TPPP: variants seen among roughly 807,000 people sequenced by gnomAD.
The protein encoded by TPPP is tubulin polymerization promoting protein, also known as tubulin polymerization-promoting protein.
TPPP carries 6 observed loss-of-function variants against 15.5 expected under a neutral mutation model. The ratio of observed to expected loss-of-function variants is 0.39; its 90% CI spans 0.21 to 0.77. The LOEUF (loss-of-function observed/expected upper bound fraction) is 0.77. Among genes scored for constraint, TPPP ranks in the 30% least tolerant of loss-of-function variants. TPPP has a pLI of 0.42. For synonymous variants in TPPP, 146 were observed against 133.9 expected (o/e 1.09, Z -0.63); for missense variants, 269 against 307.2 (o/e 0.88, Z 0.93).
At chr5:686,183 G>T (rs1740761753) in intron 1 of TPPP, among the ~76,000 whole-genome samples, 1 of 152,168 alleles carries the variant, frequency 6.6e-6, no homozygotes, top group Admixed American at 6.5e-5. Flanking sequence ...TCCCAAAAGG[G>T]AATAAAATAG....
At chr5:700,726 A>C in the TPPP span, among the ~76,000 whole-genome samples, 1 of 151,966 alleles carries the variant, frequency 6.6e-6, no homozygotes, top group Admixed American at 6.6e-5. Context: ...CTCTTCATAT[A>C]CCTGTGGATT....
chr5:668,384 C>G (rs11749837), intron 2 of TPPP, among the ~76,000 whole-genome samples: 40 of 86,910 alleles, frequency 4.6e-4, no homozygotes, highest in African/African-American at 1.3e-3. Flanking sequence ...CCGCGTGGGC[C>G]TCGTCAGGGA....
chr5:672,121 C>T (rs1209539588), intron 2 of TPPP, among the ~76,000 whole-genome samples: 1 of 152,220 alleles, frequency 6.6e-6, no homozygotes, highest in African/African-American at 2.4e-5. Context: ...GGTTGGCTTC[C>T]GTACTGGGAA....
intron 1 of TPPP, among the ~76,000 whole-genome samples, chr5:685,912 G>C (rs1579198358): frequency 6.6e-6 from 1 of 152,174 alleles, no homozygotes; most frequent in African/African-American, 2.4e-5. Flanking sequence ...GAACATTCCA[G>C]AGCACTATGG....
chr5:679,816 G>A (rs1201817403), intron 1 of TPPP, among the ~76,000 whole-genome samples: 17 of 151,126 alleles, frequency 1.1e-4, no homozygotes, highest in Non-Finnish European at 2.5e-4. Context: ...GGGAGCAAAG[G>A]GATGAGGGAA....
In TPPP at chr5:668,012, A is replaced by G. The variant is rs56910877; in HGVS notation, c.312-1889T>C. Among the ~76,000 whole-genome samples the G allele has an allele frequency of 1.5e-3, 53 of 34,366 alleles. 2 individuals are homozygous for G. Among genetic ancestry groups the G allele is most frequent in the African/African-American group, 3.8e-3 (6 of 1,596 alleles). The allele number at this position is 34,366 out of a possible 152,430, so 22.5% of individuals were successfully genotyped here. ...GCCGTGTGGGCGCCGTCAGGGAAGT[A>G]CCGACAAGCACACAGAGAGGGGGCC... On this transcript the variant is annotated intron_variant, in intron 2 of 3. Transcript: ENST00000360578.
chr5:665,822 G>A lies in TPPP; in HGVS notation c.465+148C>T, dbSNP rs114097396. 2.4e-3 allele frequency: 2,156 copies of A among 886,574 alleles called. 82 individuals are homozygous for A. In the African/African-American group the frequency reaches 0.039, roughly 16 times the overall value. The allele number at this position is 886,574 out of a possible 1,614,324, so 54.9% of individuals were successfully genotyped here. A position where few individuals can be genotyped will look rare whatever the true frequency, so the allele number is the denominator to read the frequency against. On this transcript the variant is annotated intron_variant, in intron 3 of 3. Transcript: ENST00000360578. ...CTCCTCAGACCCCACACCAGGCCAC[G>A]CCCTCCTGACCACGCCTCCCAGGAC...
At chr5:684,910 C>T (rs1458179251) in intron 1 of TPPP, among the ~76,000 whole-genome samples, 1 of 152,230 alleles carries the variant, frequency 6.6e-6, no homozygotes, top group African/African-American at 2.4e-5. Context: ...GCACAGGAGG[C>T]AGGATGATCA....
chr5:694,037 GCGCGC>G (rs1740972197), upstream of TPPP, among the ~76,000 whole-genome samples: 1 of 129,050 alleles, frequency 7.7e-6, no homozygotes, highest in African/African-American at 2.8e-5. Context: ...GAGGAGCGGA[GCGCGC>G]ACCCCTGACC....
At chr5:685,544 C>T (rs531487106) in intron 1 of TPPP, among the ~76,000 whole-genome samples, 15 of 152,328 alleles carry the variant, frequency 9.8e-5, no homozygotes, top group African/African-American at 1.4e-4. Context: ...AGGAGCCTTC[C>T]GGTAAGGGGG....
rs1739616822 is a variant in TPPP, at chr5:661,722, T to G, written c.*3380A>C. The G allele has an allele frequency of 6.6e-6, 1 of 152,402 alleles. No homozygotes were observed. The highest frequency in any genetic ancestry group is 2.1e-4 in the South Asian group (1 of 4,832). The allele number at this position is 152,402 out of a possible 1,614,324, so 9.4% of individuals were successfully genotyped here. On this transcript the variant is annotated 3_prime_UTR_variant, in exon 4 of 4. Coordinates refer to ENST00000360578, the MANE Select transcript of TPPP (RefSeq NM_007030.3). ...GCGGCACACAGATGCAATTACGGAT[T>G]CCACAGACAAGTTGTAACTGACAGT...
At chr5:665,845 G>C in intron 3 of TPPP, 125 bp downstream of exon 3, 4 of 809,628 alleles carry the variant, frequency 4.9e-6, no homozygotes, top group South Asian at 2.0e-5. Context: ...CGCCTCCCAG[G>C]ACCCCCCCCA....
intron 1 of TPPP, among the ~76,000 whole-genome samples, chr5:681,586 C>T (rs567125735): frequency 6.6e-5 from 10 of 152,196 alleles, no homozygotes; most frequent in Non-Finnish European, 1.5e-4. Flanking sequence ...TGTCTGCTCA[C>T]AGCACATGCC....
At chr5:685,887 G>A (rs1740752925) in intron 1 of TPPP, among the ~76,000 whole-genome samples, 3 of 152,126 alleles carry the variant, frequency 2.0e-5, no homozygotes, top group Admixed American at 6.5e-5. Flanking sequence ...ACAGGGAGAC[G>A]CAGGTGGGAG....
the TPPP span, among the ~76,000 whole-genome samples, chr5:698,951 T>C: frequency 5.9e-5 from 9 of 151,924 alleles, no homozygotes; most frequent in Non-Finnish European, 8.8e-5. Context: ...AGATATATAT[T>C]TAACCAAGGA....
At chr5:675,573 G>T (rs1233603651) in intron 2 of TPPP, among the ~76,000 whole-genome samples, 2 of 144,110 alleles carry the variant, frequency 1.4e-5, no homozygotes, top group South Asian at 4.6e-4. Flanking sequence ...GGCTGGGGGT[G>T]CGGTGTGGCC....
chr5:673,199 C>T (rs376742129), intron 2 of TPPP, among the ~76,000 whole-genome samples: 16 of 152,318 alleles, frequency 1.1e-4, no homozygotes, highest in African/African-American at 3.4e-4. Flanking sequence ...TTGCTTTCCC[C>T]GGAAATCGAA....
chr5:684,715 T>G (rs1441433124), intron 1 of TPPP, among the ~76,000 whole-genome samples: 1 of 151,248 alleles, frequency 6.6e-6, no homozygotes, highest in Non-Finnish European at 1.5e-5. Flanking sequence ...CCCCCACTCC[T>G]TATTTCAGTG....
At chr5:675,332 AGTGTGGCTGGGGGT>A (rs1740381593) in intron 2 of TPPP, among the ~76,000 whole-genome samples, 1 of 36,624 alleles carries the variant, frequency 2.7e-5, no homozygotes, top group Admixed American at 4.2e-4. Context: ...CCGGGGGTGC[AGTGTGGCTGGGGGT>A]GCAGTGTGGG....
Sources: allele counts gnomAD v4.1 joint callset (sites outside exome capture counted in the v4.1 genomes callset), GRCh38; gene constraint gnomAD v4.1.1; transcripts MANE v1.5; gene names NCBI Gene and HGNC (gene_info 2026-07-23, HGNC 2026-07-21).